DCC: variants seen among roughly 807,000 people sequenced by gnomAD.
DCC encodes netrin receptor DCC.
DCC carries 58 observed loss-of-function variants against 172.5 expected under a neutral mutation model. The ratio of observed to expected loss-of-function variants is 0.34; its 90% CI spans 0.27 to 0.42. DCC has a LOEUF of 0.42. Ranked by LOEUF, DCC falls within the 10% of genes least tolerant of loss-of-function variation. The pLI, the probability that DCC is intolerant of heterozygous loss-of-function variation, is 1.00. For missense variants in DCC, 1,740 were observed against 1,791.0 expected (o/e 0.97, Z 0.51); for synonymous variants, 709 against 644.5 (o/e 1.10, Z -1.52).
intron 12 of DCC, among the ~76,000 whole-genome samples, chr18:53,216,077 A>C (rs1598914655): frequency 6.6e-6 from 1 of 152,200 alleles, no homozygotes; most frequent in African/African-American, 2.4e-5. Flanking sequence ...ACTTCAATAC[A>C]GTTATATTTA....
chr18:53,502,815 A>G (rs1033009857), intron 27 of DCC, among the ~76,000 whole-genome samples: 5 of 151,680 alleles, frequency 3.3e-5, no homozygotes, highest in African/African-American at 1.2e-4. Flanking sequence ...CTCTTTCCCC[A>G]CTCAAATTCC....
chr18:53,458,149 G>T (rs1416565731), intron 23 of DCC, among the ~76,000 whole-genome samples: 1 of 152,142 alleles, frequency 6.6e-6, no homozygotes, highest in South Asian at 2.1e-4. Context: ...CTAGTCTGCT[G>T]TCAAAACTAG....
chr18:53,235,028 C>G (rs1266721053), intron 12 of DCC, among the ~76,000 whole-genome samples: 1 of 151,890 alleles, frequency 6.6e-6, no homozygotes, highest in Non-Finnish European at 1.5e-5. Flanking sequence ...AGCCAATTTC[C>G]ATTCTTTTCA....
intron 2 of DCC, among the ~76,000 whole-genome samples, chr18:52,844,341 T>C (rs72920173): frequency 0.055 from 4,053 of 73,604 alleles, 73 homozygotes; most frequent in Non-Finnish European, 0.08. Context: ...GACAGACAGA[T>C]AGATAGATAT....
At chr18:52,656,991 A>T (rs948335663) in intron 1 of DCC, among the ~76,000 whole-genome samples, 7 of 152,108 alleles carry the variant, frequency 4.6e-5, no homozygotes, top group African/African-American at 1.4e-4. Context: ...GAAACTCTTT[A>T]TTCTATGTCC....
intron 28 of DCC, 160 bp from the exon 29 acceptor site, chr18:53,530,404 G>C: frequency 1.4e-6 from 1 of 711,278 alleles, no homozygotes. Context: ...TTTATTACCA[G>C]CATCTTCATT....
intron 5 of DCC, among the ~76,000 whole-genome samples, chr18:52,937,181 G>A (rs1368480714): frequency 3.9e-5 from 6 of 152,076 alleles, no homozygotes; most frequent in Admixed American, 3.9e-4. Context: ...GAGTCATTAT[G>A]TATATATGTG....
intron 25 of DCC, among the ~76,000 whole-genome samples, chr18:53,477,014 AT>A (rs781355767): frequency 6.6e-6 from 1 of 152,124 alleles, no homozygotes; most frequent in Admixed American, 6.6e-5. Flanking sequence ...ATTTTAAAAT[AT>A]TTTTTATTTT....
chr18:52,988,187 G>A (rs1460644332), intron 5 of DCC, among the ~76,000 whole-genome samples: 2 of 151,938 alleles, frequency 1.3e-5, no homozygotes, highest in African/African-American at 4.8e-5. Context: ...CACATTTTTA[G>A]CAAATTAGCT....
At chr18:53,123,384 G>C (rs1275332977) in intron 7 of DCC, among the ~76,000 whole-genome samples, 1 of 152,010 alleles carries the variant, frequency 6.6e-6, no homozygotes, top group African/African-American at 2.4e-5. Context: ...GAAACTGAAG[G>C]ATGGGTTTTG....
At chr18:53,195,082 G>A (rs956630681) in intron 9 of DCC, among the ~76,000 whole-genome samples, 8 of 152,078 alleles carry the variant, frequency 5.3e-5, no homozygotes, top group African/African-American at 1.9e-4. Flanking sequence ...ATGAATACCT[G>A]AGAAAATGAT....
intron 1 of DCC, among the ~76,000 whole-genome samples, chr18:52,431,560 A>G (rs1987624495): frequency 6.6e-6 from 1 of 152,150 alleles, no homozygotes; most frequent in Non-Finnish European, 1.5e-5. Flanking sequence ...AGAAAAAAGT[A>G]TTGTTCGTCT....
In DCC at chr18:53,446,108, A is replaced by AAAC. The variant is rs1219152660; in HGVS notation, c.3230-4390_3230-4389insCAA. 2.1e-3 allele frequency among the ~76,000 whole-genome samples: 306 copies of AAAC among 144,312 alleles called. 6 individuals are homozygous for AAAC. Among genetic ancestry groups the AAAC allele is most frequent in the African/African-American group, 7.4e-3 (289 of 39,104 alleles). 94.7% of individuals were successfully genotyped at this position (144,312 alleles called of 152,430 possible). ...AAGACCCTGTCTCTACAAAAAAAAAAAAAAAACAAAAAAAAACACTTAAAA... is the reference window on the plus strand; with the variant it reads ...AAGACCCTGTCTCTACAAAAAAAAAAAACAAAAAACAAAAAAAAACACTTAAAA... On this transcript the variant is annotated intron_variant, in intron 22 of 28. Transcript: ENST00000442544.
At chr18:53,506,636 T>C (rs138893629) in intron 27 of DCC, among the ~76,000 whole-genome samples, 2,769 of 152,142 alleles carry the variant, frequency 0.018, 87 homozygotes, top group African/African-American at 0.062. Flanking sequence ...GGCAGGCAGA[T>C]TGCCTGAGCT....
chr18:53,111,479 T>C lies in DCC; in HGVS notation c.1261+45313T>C, dbSNP rs184259147. ...AAAAGAGAGACCACCAACTTTGGGT[T>C]TGAATTCTCTTTCCTGCTTGTTAGT... On this transcript the variant is annotated intron_variant, in intron 7 of 28. Transcript: ENST00000442544. Among the ~76,000 whole-genome samples, 112 of 150,870 alleles carry C rather than the reference T, an allele frequency of 7.4e-4. 1 individual carries two copies. The highest frequency in any genetic ancestry group is 2.5e-4 in the Non-Finnish European group (17 of 67,552).
At chr18:52,406,706 G>A (rs1260070662) in intron 1 of DCC, among the ~76,000 whole-genome samples, 1 of 151,992 alleles carries the variant, frequency 6.6e-6, no homozygotes, top group Non-Finnish European at 1.5e-5. Context: ...ATTTTATATG[G>A]AATCTTGTAA....
chr18:52,927,117 G>A lies in DCC; in HGVS notation c.985+1747G>A, dbSNP rs1193800203. Among the ~76,000 whole-genome samples, 12 of 92,494 alleles carry A rather than the reference G, an allele frequency of 1.3e-4. 2 individuals carry two copies. The highest frequency in any genetic ancestry group is 8.7e-4 in the Admixed American group (9 of 10,338). 60.7% of individuals were successfully genotyped at this position (92,494 alleles called of 152,430 possible). A position where few individuals can be genotyped will look rare whatever the true frequency, so the allele number is the denominator to read the frequency against. ...TATACGTGTATATACACGTATATACGTGTATATACACGTATATACGTGTAT... is the reference window on the plus strand; with the variant it reads ...TATACGTGTATATACACGTATATACATGTATATACACGTATATACGTGTAT... On this transcript the variant is annotated intron_variant, in intron 5 of 28. Transcript: ENST00000442544.
intron 5 of DCC, among the ~76,000 whole-genome samples, chr18:52,929,861 CACT>C (rs2040279008): frequency 7.6e-6 from 1 of 131,374 alleles, no homozygotes. Flanking sequence ...CACACACACA[CACT>C]CACGTTTGTT....
At chr18:53,036,453 C>T (rs893588254) in intron 5 of DCC, among the ~76,000 whole-genome samples, 1 of 152,016 alleles carries the variant, frequency 6.6e-6, no homozygotes, top group Non-Finnish European at 1.5e-5. Context: ...CATTAATTCA[C>T]CTCTTGTTTA....
Sources: allele counts gnomAD v4.1 joint callset (sites outside exome capture counted in the v4.1 genomes callset), GRCh38; gene constraint gnomAD v4.1.1; transcripts MANE v1.5; gene names NCBI Gene and HGNC (gene_info 2026-07-23, HGNC 2026-07-21).